STK33: variants seen among roughly 807,000 people sequenced by gnomAD.
The protein encoded by STK33 is serine/threonine-protein kinase 33.
STK33 carries 52 observed loss-of-function variants against 58.0 expected under a neutral mutation model. The observed-to-expected ratio is 0.90, with a 90% CI of 0.72 to 1.13. STK33 has a LOEUF of 1.13. Ranked by LOEUF, STK33 falls within the 50% of genes most tolerant of loss-of-function variation. The pLI is 0.00. For missense variants in STK33, 630 were observed against 604.2 expected (o/e 1.04, Z -0.45); for synonymous variants, 215 against 200.1 (o/e 1.07, Z -0.63).
At position 8,529,638 on chromosome 11, in the gene STK33, A is replaced by G. The variant is rs1954354254; in HGVS notation, c.-465-49024T>C. 1.3e-5 allele frequency among the ~76,000 whole-genome samples: 2 copies of G among 152,080 alleles called. 1 individual carries two copies. Among genetic ancestry groups the G allele is most frequent in the African/African-American group, 4.8e-5 (2 of 41,390 alleles). On this transcript the variant is annotated intron_variant, in intron 1 of 15. Coordinates refer to ENST00000687296, the MANE Select transcript of STK33 (RefSeq NM_001352389.2). ...ATCACAAGGATCCCTATAAGGAGGG[A>G]AAAAAAGGGCAAAGGTAATAGTAGG...
In STK33 at chr11:8,541,938, T is replaced by A. The variant is rs572225408; in HGVS notation, c.-466+52145A>T. 1.7e-3 allele frequency among the ~76,000 whole-genome samples: 261 copies of A among 152,302 alleles called. 2 individuals carry two copies. Among genetic ancestry groups the A allele is most frequent in the African/African-American group, 6.1e-3 (255 of 41,580 alleles). ...TTCAGACTATGTTTCACATCTCTCA[T>A]AACTTCAGAAGAAGATGCAGCAGAG... On this transcript the variant is annotated intron_variant, in intron 1 of 15. Transcript: ENST00000687296.
the STK33 span, among the ~76,000 whole-genome samples, chr11:8,340,255 A>G: frequency 6.6e-6 from 1 of 152,150 alleles, no homozygotes; most frequent in Non-Finnish European, 1.5e-5. Context: ...TCTTCCTTCT[A>G]TGTCTAGTAC....
Position 8,392,005 on chromosome 11 carries a change from A to T in STK33, c.*505T>A, listed in dbSNP as rs1390441894. On this transcript the variant is annotated 3_prime_UTR_variant, in exon 16 of 16. Transcript: ENST00000687296. ...TGTCTTAAACAATCTATAGCAACCT[A>T]AAATCTCACGAACACATGTGAATGA... 6.4e-6 allele frequency: 1 copy of T among 156,920 alleles called. No individual in the cohort carries two copies. Among genetic ancestry groups the T allele is most frequent in the East Asian group, 1.9e-4 (1 of 5,284 alleles). The allele number at this position is 156,920 out of a possible 1,614,324, so 9.7% of individuals were successfully genotyped here. A position where few individuals can be genotyped will look rare whatever the true frequency, so the allele number is the denominator to read the frequency against.
intron 1 of STK33, among the ~76,000 whole-genome samples, chr11:8,569,423 C>T (rs1032367896): frequency 1.3e-5 from 2 of 152,124 alleles, no homozygotes; most frequent in African/African-American, 4.8e-5. Context: ...AAAAAAGAAA[C>T]TGAACTTCAA....
intron 1 of STK33, among the ~76,000 whole-genome samples, chr11:8,573,521 G>A (rs975498582): frequency 6.6e-6 from 1 of 152,190 alleles, no homozygotes; most frequent in Non-Finnish European, 1.5e-5. Flanking sequence ...AATTAGCTTG[G>A]CAGTTTATTT....
chr11:8,564,519 G>A (rs538140354), intron 1 of STK33, among the ~76,000 whole-genome samples: 3 of 152,260 alleles, frequency 2.0e-5, no homozygotes, highest in Non-Finnish European at 4.4e-5. Context: ...GATATAGAAA[G>A]AGAACTTTCC....
Position 8,392,382 on chromosome 11 carries a change from T to C in STK33, c.*128A>G, listed in dbSNP as rs1169328902. On this transcript the variant is annotated 3_prime_UTR_variant, in exon 16 of 16. Coordinates refer to ENST00000687296, the MANE Select transcript of STK33 (RefSeq NM_001352389.2). ...TCAATTTTAAGCTGGTGCAAACACA[T>C]GGCGGGGCTCTGTGGAGCTAAAAGG... 6 of 1,071,102 alleles carry C rather than the reference T, an allele frequency of 5.6e-6. No homozygotes were observed. Among genetic ancestry groups the C allele is most frequent in the African/African-American group, 4.8e-5 (3 of 63,084 alleles). The allele number at this position is 1,071,102 out of a possible 1,614,324, so 66.3% of individuals were successfully genotyped here. A position where few individuals can be genotyped will look rare whatever the true frequency, so the allele number is the denominator to read the frequency against.
the STK33 span, among the ~76,000 whole-genome samples, chr11:8,338,285 T>A: frequency 6.6e-6 from 1 of 152,176 alleles, no homozygotes; most frequent in East Asian, 1.9e-4. Flanking sequence ...CCAGGGAGGA[T>A]CATCTCTGCT....
At chr11:8,590,393 T>C (rs2032404180) in intron 1 of STK33, among the ~76,000 whole-genome samples, 1 of 150,442 alleles carries the variant, frequency 6.6e-6, no homozygotes, top group Non-Finnish European at 1.5e-5. Context: ...ATGTTTATAA[T>C]AGTCAATATT....
chr11:8,371,614 T>TTTC, the STK33 span, among the ~76,000 whole-genome samples: 1 of 144,820 alleles, frequency 6.9e-6, no homozygotes, highest in Non-Finnish European at 1.5e-5. Context: ...TCTTTCTTTC[T>TTTC]CTTTCTTTTC....
intron 1 of STK33, among the ~76,000 whole-genome samples, chr11:8,544,039 C>A (rs1955720082): frequency 1.3e-5 from 2 of 151,864 alleles, no homozygotes; most frequent in Admixed American, 6.6e-5. Flanking sequence ...ACTTTAAGTT[C>A]TGGGATATAT....
chr11:8,435,847 T>G (rs560070480), intron 13 of STK33, among the ~76,000 whole-genome samples, 180 bp downstream of exon 13: 1 of 152,332 alleles, frequency 6.6e-6, no homozygotes, highest in African/African-American at 2.4e-5. Flanking sequence ...ATTTTCCGTT[T>G]TTGAAAGTTT....
chr11:8,452,334 T>G (rs1270433184), intron 11 of STK33, among the ~76,000 whole-genome samples: 1 of 152,102 alleles, frequency 6.6e-6, no homozygotes, highest in Non-Finnish European at 1.5e-5. Flanking sequence ...AATAACAAAA[T>G]TTTTTTAAAT....
chr11:8,463,242 C>T (rs543350071), intron 7 of STK33, among the ~76,000 whole-genome samples: 4 of 152,240 alleles, frequency 2.6e-5, no homozygotes, highest in South Asian at 2.1e-4. Flanking sequence ...ACCAGGGTTG[C>T]GGGAGAGGGC....
intron 15 of STK33, among the ~76,000 whole-genome samples, chr11:8,393,694 C>A (rs1038047211): frequency 1.3e-5 from 2 of 152,198 alleles, no homozygotes; most frequent in African/African-American, 4.8e-5. Context: ...ATCAGGTTAA[C>A]AATTTTCAAA....
chr11:8,483,518 G>T (rs761873891), intron 1 of STK33, among the ~76,000 whole-genome samples: 1 of 152,144 alleles, frequency 6.6e-6, no homozygotes. Context: ...AATAGTCTTA[G>T]GTGGGCACTT....
chr11:8,376,109 G>A, the STK33 span, among the ~76,000 whole-genome samples: 2 of 152,212 alleles, frequency 1.3e-5, no homozygotes, highest in Non-Finnish European at 2.9e-5. Context: ...GGCTCCAGGG[G>A]AATGAGCGGG....
At chr11:8,571,731 G>C (rs1957821021) in intron 1 of STK33, among the ~76,000 whole-genome samples, 1 of 151,564 alleles carries the variant, frequency 6.6e-6, no homozygotes, top group Non-Finnish European at 1.5e-5. Context: ...TACTCAGCAG[G>C]CTGAGGCAGG....
intron 14 of STK33, among the ~76,000 whole-genome samples, chr11:8,419,649 G>A (rs1286062680): frequency 6.6e-6 from 1 of 152,178 alleles, no homozygotes; most frequent in Non-Finnish European, 1.5e-5. Context: ...AGGCATAGCA[G>A]TGAATCTGTA....
Sources: gnomAD v4.1 joint callset for allele counts (sites outside exome capture counted in the v4.1 genomes callset) on GRCh38, gnomAD v4.1.1 for gene constraint, MANE v1.5 for transcripts, NCBI Gene and HGNC (gene_info 2026-07-23, HGNC 2026-07-21) for gene names.